The following PCBP2 variants were observed in gnomAD, a reference collection of about 807,000 sequenced individuals.
PCBP2 encodes the protein poly(rC) binding protein 2.
PCBP2 carries 4 observed loss-of-function variants against 50.1 expected under a neutral mutation model. That is an observed-to-expected ratio of 0.08 (90% confidence interval 0.04 to 0.18). The LOEUF (loss-of-function observed/expected upper bound fraction) is 0.18, where lower values mean the gene tolerates loss of function less well. Ranked by LOEUF, PCBP2 falls within the 10% of genes least tolerant of loss-of-function variation. The pLI, the probability that PCBP2 is intolerant of heterozygous loss-of-function variation, is 1.00. For missense variants in PCBP2, 161 were observed against 474.3 expected (o/e 0.34, Z 6.14); for synonymous variants, 179 against 168.0 (o/e 1.07, Z -0.51).
intron 14 of PCBP2, among the ~76,000 whole-genome samples, chr12:53,478,581 A>G (rs1942818698): frequency 6.6e-6 from 1 of 152,226 alleles, no homozygotes; most frequent in Non-Finnish European, 1.5e-5. Flanking sequence ...AGGCAGGCAG[A>G]TCACCTGAGG....
intron 5 of PCBP2, among the ~76,000 whole-genome samples, chr12:53,456,838 A>G (rs1286905868): frequency 1.3e-5 from 2 of 152,266 alleles, no homozygotes; most frequent in East Asian, 3.9e-4. Context: ...GCATTAATGC[A>G]TCAGTTGGGC....
intron 5 of PCBP2, among the ~76,000 whole-genome samples, chr12:53,457,664 A>AT (rs1036683205): frequency 6.3e-4 from 95 of 151,882 alleles, no homozygotes; most frequent in African/African-American, 2.2e-3. Context: ...ATTAAATTTT[A>AT]TTTTTTTGAA....
intron 10 of PCBP2, 135 bp from the exon 11 acceptor site, chr12:53,467,086 C>T: frequency 1.6e-6 from 1 of 640,476 alleles, no homozygotes. Context: ...ATGCAAGCCC[C>T]ATCCCTACCC....
At chr12:53,477,246 T>C (rs1437759371) in intron 14 of PCBP2, among the ~76,000 whole-genome samples, 2 of 152,198 alleles carry the variant, frequency 1.3e-5, no homozygotes, top group Non-Finnish European at 2.9e-5. Flanking sequence ...CTAGATCTAA[T>C]GGTATCTAGC....
At chr12:53,454,416 C>T (rs925665358) in intron 1 of PCBP2, 1 of 168,912 alleles carries the variant, frequency 5.9e-6, no homozygotes, top group African/African-American at 2.4e-5. Flanking sequence ...GCTTTTTCTG[C>T]TGAAGGACAA....
At chr12:53,467,168 A>G (rs1941882469) in intron 10 of PCBP2, 53 bp from the exon 11 acceptor site, 1 of 1,398,330 alleles carries the variant, frequency 7.2e-7, no homozygotes, top group Non-Finnish European at 1.0e-6. Context: ...AATGTGCTTG[A>G]GCCCTGGCTC....
chr12:53,452,623 CAGGG>C (rs1432837763), intron 1 of PCBP2, among the ~76,000 whole-genome samples: 1 of 151,020 alleles, frequency 6.6e-6, no homozygotes, highest in African/African-American at 2.4e-5. Flanking sequence ...GCGCAGGAGT[CAGGG>C]AGGGCGCGCG....
rs1186732418 is a variant in PCBP2, at chr12:53,480,086, G to A, written c.*644G>A. ...AGGACTTACCTGTCCTAGGGGAGTA[G>A]GCAAGCACTTCCACTAGGGAGGGGG... On this transcript the variant is annotated 3_prime_UTR_variant, in exon 15 of 15. Coordinates refer to ENST00000546463, the MANE Select transcript of PCBP2 (RefSeq NM_031989.5). The A allele has an allele frequency of 6.6e-6, 1 of 152,016 alleles. No individual in the cohort carries two copies. The highest frequency in any genetic ancestry group is 6.6e-5 in the Admixed American group (1 of 15,248). 9.4% of individuals were successfully genotyped at this position (152,016 alleles called of 1,614,324 possible). A position where few individuals can be genotyped will look rare whatever the true frequency, so the allele number is the denominator to read the frequency against.
chr12:53,460,650 C>G, intron 6 of PCBP2: 1 of 231,898 alleles, frequency 4.3e-6, no homozygotes, highest in South Asian at 5.1e-5. Flanking sequence ...CATAGAATGG[C>G]CTTGATGTAA....
intron 1 of PCBP2, among the ~76,000 whole-genome samples, chr12:53,453,565 A>G (rs904735737): frequency 3.3e-5 from 5 of 152,204 alleles, no homozygotes; most frequent in African/African-American, 4.8e-5. Context: ...TATTTAGGGT[A>G]TGGGCTTTGT....
At chr12:53,455,311 G>C in intron 2 of PCBP2, 36 bp from the exon 3 acceptor site, 1 of 1,595,812 alleles carries the variant, frequency 6.3e-7, no homozygotes, top group African/African-American at 1.3e-5. Flanking sequence ...ATACTTCTGA[G>C]TTTCCTCTTA....
At chr12:53,459,449 C>A in intron 6 of PCBP2, 46 bp downstream of exon 6, 2 of 1,566,376 alleles carry the variant, frequency 1.3e-6, no homozygotes, top group Non-Finnish European at 1.7e-6. Flanking sequence ...CTATTTGTTC[C>A]AAATTGGCTC....
chr12:53,467,637 C>T (rs1837371637), intron 11 of PCBP2, 168 bp from the exon 12 acceptor site: 1 of 663,630 alleles, frequency 1.5e-6, no homozygotes, highest in African/African-American at 1.8e-5. Context: ...CAGCAATTCA[C>T]AGGCTTGGGT....
At chr12:53,469,212 G>A (rs1942029263) in intron 13 of PCBP2, among the ~76,000 whole-genome samples, 1 of 151,718 alleles carries the variant, frequency 6.6e-6, no homozygotes, top group African/African-American at 2.4e-5. Context: ...TACATGTCCT[G>A]CTACTTTTAA....
chr12:53,471,030 AAGAC>A (rs758006416), intron 13 of PCBP2, among the ~76,000 whole-genome samples: 19 of 152,244 alleles, frequency 1.2e-4, no homozygotes, highest in Non-Finnish European at 2.2e-4. Flanking sequence ...TTGGACCTAA[AAGAC>A]AGTTCTGAGT....
At chr12:53,471,942 T>G in intron 14 of PCBP2, 135 bp downstream of exon 14, 1 of 548,524 alleles carries the variant, frequency 1.8e-6, no homozygotes, top group Non-Finnish European at 2.9e-6. Flanking sequence ...TTTTTTTTGC[T>G]AGCTCTACTT....
At chr12:53,461,797 C>T (rs765019542) in intron 7 of PCBP2, among the ~76,000 whole-genome samples, 2 of 152,094 alleles carry the variant, frequency 1.3e-5, no homozygotes, top group Non-Finnish European at 2.9e-5. Context: ...GCAACCTCTG[C>T]CTATCAGGCT....
chr12:53,462,722 A>C (rs1407563854), intron 8 of PCBP2, among the ~76,000 whole-genome samples, 155 bp downstream of exon 8: 2 of 152,206 alleles, frequency 1.3e-5, no homozygotes, highest in Non-Finnish European at 1.5e-5. Context: ...GTACTGGAGA[A>C]AGCTGAATGC....
At chr12:53,473,225 C>A (rs1942356264) in intron 14 of PCBP2, among the ~76,000 whole-genome samples, 1 of 151,924 alleles carries the variant, frequency 6.6e-6, no homozygotes, top group South Asian at 2.1e-4. Flanking sequence ...CTGGGACTTA[C>A]AGGCACGTGC....
Sources: gnomAD v4.1 joint callset for allele counts (sites outside exome capture counted in the v4.1 genomes callset) on GRCh38, gnomAD v4.1.1 for gene constraint, MANE v1.5 for transcripts, NCBI Gene and HGNC (gene_info 2026-07-23, HGNC 2026-07-21) for gene names.